NPAS3: variants seen among roughly 807,000 people sequenced by gnomAD.
NPAS3 encodes the protein neuronal PAS domain-containing protein 3.
Under a neutral mutation model 73.1 loss-of-function variants are expected in NPAS3, and 14 were observed. The observed-to-expected ratio is 0.19, with a 90% CI of 0.13 to 0.30. NPAS3 has a LOEUF of 0.30. NPAS3 is among the 10% of genes least tolerant of loss of function. The pLI is 1.00. For missense variants in NPAS3, 1,096 were observed against 1,250.0 expected (o/e 0.88, Z 1.86); for synonymous variants, 620 against 541.5 (o/e 1.14, Z -2.01).
At chr14:33,059,607 GT>G (rs1236323038) in intron 2 of NPAS3, among the ~76,000 whole-genome samples, 1 of 151,998 alleles carries the variant, frequency 6.6e-6, no homozygotes, top group Non-Finnish European at 1.5e-5. Context: ...CTTTTTAGTG[GT>G]CTTTTACAGT....
At chr14:33,107,070 G>T (rs2042744482) in intron 2 of NPAS3, among the ~76,000 whole-genome samples, 3 of 152,036 alleles carry the variant, frequency 2.0e-5, no homozygotes, top group Non-Finnish European at 2.9e-5. Flanking sequence ...AGGCTGCTGG[G>T]TAGGTGCTCC....
chr14:33,382,117 C>T (rs144294587), intron 4 of NPAS3, among the ~76,000 whole-genome samples: 1 of 152,170 alleles, frequency 6.6e-6, no homozygotes, highest in African/African-American at 2.4e-5. Flanking sequence ...TTAGAAAGCA[C>T]AAAGTCATTT....
intron 1 of NPAS3, among the ~76,000 whole-genome samples, chr14:32,959,244 CT>C (rs1332463957): frequency 2.0e-5 from 3 of 152,112 alleles, no homozygotes; most frequent in Non-Finnish European, 4.4e-5. Context: ...GCTCTGAAAC[CT>C]TTGCTTTGCT....
chr14:33,464,584 C>G (rs1475408109), intron 4 of NPAS3, among the ~76,000 whole-genome samples: 1 of 152,154 alleles, frequency 6.6e-6, no homozygotes, highest in Non-Finnish European at 1.5e-5. Flanking sequence ...CCTCTGATTC[C>G]TGGGATCTTG....
intron 3 of NPAS3, among the ~76,000 whole-genome samples, chr14:33,221,770 T>A (rs535028256): frequency 1.3e-5 from 2 of 152,152 alleles, no homozygotes; most frequent in African/African-American, 4.8e-5. Context: ...TGTAGCAACA[T>A]TGAGTGGTAA....
At chr14:33,677,583 T>A (rs760227838) in intron 6 of NPAS3, among the ~76,000 whole-genome samples, 21 of 150,604 alleles carry the variant, frequency 1.4e-4, no homozygotes, top group Non-Finnish European at 2.7e-4. Flanking sequence ...TTGGCCTGCC[T>A]AGAAGTAATC....
chr14:33,323,636 G>T (rs2043559331), intron 3 of NPAS3, among the ~76,000 whole-genome samples: 1 of 152,230 alleles, frequency 6.6e-6, no homozygotes, highest in Admixed American at 6.5e-5. Flanking sequence ...GGTGGAAAAG[G>T]ACTCTTAGAA....
intron 3 of NPAS3, among the ~76,000 whole-genome samples, chr14:33,247,693 T>TA (rs2048440643): frequency 6.6e-6 from 1 of 152,236 alleles, no homozygotes; most frequent in African/African-American, 2.4e-5. Context: ...TTAAGCAGTT[T>TA]AACTTCAAAC....
Position 33,308,527 on chromosome 14 carries a change from T to TATATATATATATATATACACACAC in NPAS3, c.386-58658_386-58657insTATATATATATATATACACACACA. On this transcript the variant is annotated intron_variant, in intron 3 of 11. Transcript: ENST00000356141. Reference sequence around the variant, plus strand: ...TGCATAGTTTATATATATATATATATACATACACACACACACACACACACA... The same window carrying TATATATATATATATATACACACAC: ...TGCATAGTTTATATATATATATATATATATATATATATATATACACACACACATACACACACACACACACACACA... Among the ~76,000 whole-genome samples, 259 of 103,612 alleles carry TATATATATATATATATACACACAC rather than the reference T, an allele frequency of 2.5e-3. 7 individuals are homozygous for TATATATATATATATATACACACAC. Among genetic ancestry groups the TATATATATATATATATACACACAC allele is most frequent in the African/African-American group, 0.01 (225 of 21,494 alleles). The allele number at this position is 103,612 out of a possible 152,430, so 68.0% of individuals were successfully genotyped here. A position where few individuals can be genotyped will look rare whatever the true frequency, so the allele number is the denominator to read the frequency against.
chr14:33,668,579 G>T (rs1056483136), intron 5 of NPAS3, among the ~76,000 whole-genome samples: 1 of 152,188 alleles, frequency 6.6e-6, no homozygotes, highest in Non-Finnish European at 1.5e-5. Context: ...ACTTTGGGAC[G>T]TTGAGGCAGG....
At chr14:33,590,498 GAGA>G (rs1405847670) in intron 5 of NPAS3, among the ~76,000 whole-genome samples, 2 of 152,162 alleles carry the variant, frequency 1.3e-5, no homozygotes, top group Non-Finnish European at 2.9e-5. Flanking sequence ...GAGGCTTTCA[GAGA>G]AGGATAATAA....
intron 2 of NPAS3, among the ~76,000 whole-genome samples, chr14:33,128,684 G>A (rs184611198): frequency 1.7e-4 from 26 of 152,198 alleles, no homozygotes; most frequent in African/African-American, 2.4e-5. Context: ...AAATGGTGCC[G>A]AGCCAGTATT....
At chr14:33,352,314 C>T (rs1389165196) in intron 3 of NPAS3, among the ~76,000 whole-genome samples, 2 of 152,222 alleles carry the variant, frequency 1.3e-5, no homozygotes, top group African/African-American at 2.4e-5. Context: ...GTCATATACA[C>T]CACTTTGGTG....
At chr14:33,542,553 T>C (rs548431397) in intron 4 of NPAS3, among the ~76,000 whole-genome samples, 83 of 152,278 alleles carry the variant, frequency 5.5e-4, no homozygotes, top group African/African-American at 2.0e-3. Flanking sequence ...TCAGTTCCCT[T>C]TTGAGCCCTT....
intron 2 of NPAS3, among the ~76,000 whole-genome samples, chr14:33,059,809 T>C (rs1189770624): frequency 6.6e-6 from 1 of 152,232 alleles, no homozygotes; most frequent in Non-Finnish European, 1.5e-5. Context: ...CTTTGAACTT[T>C]ATTGTTTTTT....
At chr14:33,563,888 C>A (rs890433995) in intron 5 of NPAS3, among the ~76,000 whole-genome samples, 6 of 152,084 alleles carry the variant, frequency 3.9e-5, no homozygotes, top group Non-Finnish European at 7.4e-5. Flanking sequence ...ATATAGCCAG[C>A]GTTTATGAAA....
chr14:33,648,863 G>A (rs2058909322), intron 5 of NPAS3, among the ~76,000 whole-genome samples: 1 of 152,154 alleles, frequency 6.6e-6, no homozygotes, highest in Admixed American at 6.6e-5. Flanking sequence ...ACTCTAGTTT[G>A]TCAATGTCCC....
intron 5 of NPAS3, among the ~76,000 whole-genome samples, chr14:33,647,782 G>A (rs183636260): frequency 6.8e-4 from 103 of 152,118 alleles, no homozygotes; most frequent in Non-Finnish European, 1.3e-3. Context: ...GCATGTTCCC[G>A]TATATAGTTG....
chr14:33,046,835 G>A (rs937706126), intron 1 of NPAS3, among the ~76,000 whole-genome samples: 3 of 152,158 alleles, frequency 2.0e-5, no homozygotes, highest in Non-Finnish European at 2.9e-5. Flanking sequence ...AATTAGCCAG[G>A]CATGGTGGCA....
Sources: gnomAD v4.1 joint callset for allele counts (sites outside exome capture counted in the v4.1 genomes callset) on GRCh38, gnomAD v4.1.1 for gene constraint, MANE v1.5 for transcripts, NCBI Gene and HGNC (gene_info 2026-07-23, HGNC 2026-07-21) for gene names.